The following EYS variants were observed in gnomAD, a reference collection of about 807,000 sequenced individuals.
The protein encoded by EYS is EGF-like photoreceptor maintenance factor.
In EYS, 250 loss-of-function variants were observed where a neutral mutation model predicts 282.1. The observed-to-expected ratio is 0.89, with a 90% CI of 0.80 to 0.98. EYS has a LOEUF of 0.98. Among genes scored for constraint, EYS ranks in the 50% least tolerant of loss-of-function variants. EYS has a pLI of 0.00. For missense variants in EYS, 4,016 were observed against 3,709.0 expected (o/e 1.08, Z -2.15); for synonymous variants, 1,355 against 1,282.9 (o/e 1.06, Z -1.20).
At chr6:64,803,147 AGGAGGCCC>A (rs1274537564) in intron 22 of EYS, among the ~76,000 whole-genome samples, 2 of 152,180 alleles carry the variant, frequency 1.3e-5, no homozygotes, top group African/African-American at 4.8e-5. Flanking sequence ...AACAGCTCTT[AGGAGGCCC>A]GAAGTGGGTA....
chr6:64,676,779 C>G (rs1769703287), intron 22 of EYS, among the ~76,000 whole-genome samples: 1 of 152,140 alleles, frequency 6.6e-6, no homozygotes, highest in African/African-American at 2.4e-5. Context: ...CTTCTTTTCA[C>G]TGTAACCTCT....
At chr6:63,874,095 C>A (rs1289939624) in intron 35 of EYS, among the ~76,000 whole-genome samples, 2 of 152,124 alleles carry the variant, frequency 1.3e-5, no homozygotes, top group Non-Finnish European at 2.9e-5. Context: ...ATGGTATTGC[C>A]TAGGTTTTCT....
chr6:65,066,977 G>C (rs1375579985), intron 12 of EYS, among the ~76,000 whole-genome samples: 1 of 152,080 alleles, frequency 6.6e-6, no homozygotes, highest in Non-Finnish European at 1.5e-5. Context: ...AAAGGTCATG[G>C]TCTTTTACTA....
intron 31 of EYS, among the ~76,000 whole-genome samples, chr6:64,127,654 G>A (rs1345930494): frequency 6.6e-6 from 1 of 152,026 alleles, no homozygotes; most frequent in Non-Finnish European, 1.5e-5. Flanking sequence ...TGAAAATAAT[G>A]TAAGCTATAC....
intron 29 of EYS, among the ~76,000 whole-genome samples, chr6:64,309,142 G>T (rs368336087): frequency 6.6e-5 from 10 of 152,074 alleles, no homozygotes; most frequent in African/African-American, 2.4e-4. Flanking sequence ...GCTCAGCAAT[G>T]GCATAAAAGT....
intron 33 of EYS, among the ~76,000 whole-genome samples, chr6:64,034,690 A>T (rs1770024600): frequency 6.6e-6 from 1 of 152,192 alleles, no homozygotes; most frequent in Non-Finnish European, 1.5e-5. Context: ...GAATCTCTGT[A>T]CTATGCTATG....
intron 2 of EYS, among the ~76,000 whole-genome samples, chr6:65,499,608 A>G (rs569259446): frequency 6.6e-6 from 1 of 152,186 alleles, no homozygotes; most frequent in African/African-American, 2.4e-5. Flanking sequence ...ATTAACAGAT[A>G]CAAAAGTTCT....
Position 64,737,638 on chromosome 6 carries a change from G to C in EYS, c.3443+75740C>G, listed in dbSNP as rs145704794. ...ATGTTTTGCAAGTGAGGTCTGATAGGTCTGATAGGACAATGGAACATGCCA... is the reference window on the plus strand; with the variant it reads ...ATGTTTTGCAAGTGAGGTCTGATAGCTCTGATAGGACAATGGAACATGCCA... On this transcript the variant is annotated intron_variant, in intron 22 of 42. Coordinates refer to ENST00000503581, the MANE Select transcript of EYS (RefSeq NM_001142800.2). 2.2e-3 allele frequency among the ~76,000 whole-genome samples: 334 copies of C among 152,260 alleles called. 1 individual carries two copies. Among genetic ancestry groups the C allele is most frequent in the African/African-American group, 7.7e-3 (318 of 41,542 alleles).
At chr6:63,754,462 G>A (rs535418439) in intron 41 of EYS, among the ~76,000 whole-genome samples, 1 of 152,104 alleles carries the variant, frequency 6.6e-6, no homozygotes, top group East Asian at 1.9e-4. Context: ...CTGTCCTTGT[G>A]ATATTTTCCT....
At chr6:64,786,617 C>T (rs1430952311) in intron 22 of EYS, among the ~76,000 whole-genome samples, 1 of 152,148 alleles carries the variant, frequency 6.6e-6, no homozygotes, top group Non-Finnish European at 1.5e-5. Flanking sequence ...CCGGGGTCCC[C>T]ACTGGGTCAT....
In EYS at chr6:65,403,820, A is replaced by C. The variant is rs745593945; in HGVS notation, c.1057-1215T>G. 1.5e-3 allele frequency among the ~76,000 whole-genome samples: 233 copies of C among 152,208 alleles called. 3 individuals carry two copies. The highest frequency in any genetic ancestry group is 4.9e-4 in the Non-Finnish European group (33 of 67,982). On this transcript the variant is annotated intron_variant, in intron 6 of 42. Coordinates refer to ENST00000503581, the MANE Select transcript of EYS (RefSeq NM_001142800.2). Reference sequence around the variant, plus strand: ...TTCTTATATTAAGATTCTTTTAACTAGTAAAGTTATAACATGTGTTCAATT... The same window carrying C: ...TTCTTATATTAAGATTCTTTTAACTCGTAAAGTTATAACATGTGTTCAATT...
Position 65,639,858 on chromosome 6 carries a change from A to T in EYS, c.-413T>A, listed in dbSNP as rs1251075689. On this transcript the variant is annotated 5_prime_UTR_variant, in exon 2 of 43. Coordinates refer to ENST00000503581, the MANE Select transcript of EYS (RefSeq NM_001142800.2). ...ATATGGAGCAGAGGATCCAGACTTGACTCCCCAGGTGTAAGAGAAGAGTGA... is the reference window on the plus strand; with the variant it reads ...ATATGGAGCAGAGGATCCAGACTTGTCTCCCCAGGTGTAAGAGAAGAGTGA... 6.6e-6 allele frequency: 1 copy of T among 152,038 alleles called. No homozygotes were observed. The highest frequency in any genetic ancestry group is 1.5e-5 in the Non-Finnish European group (1 of 68,010). The allele number at this position is 152,038 out of a possible 1,614,324, so 9.4% of individuals were successfully genotyped here.
intron 5 of EYS, among the ~76,000 whole-genome samples, chr6:65,423,121 A>G (rs1294475243): frequency 1.3e-5 from 2 of 151,868 alleles, no homozygotes; most frequent in Admixed American, 1.3e-4. Context: ...TCACCCACAT[A>G]AAAATTAAAT....
intron 14 of EYS, among the ~76,000 whole-genome samples, chr6:64,988,251 C>A (rs1237973227): frequency 1.3e-5 from 2 of 151,470 alleles, no homozygotes; most frequent in Non-Finnish European, 3.0e-5. Context: ...AGAGATCAGG[C>A]TGAGGTGTTT....
intron 29 of EYS, among the ~76,000 whole-genome samples, chr6:64,321,325 T>C (rs559595076): frequency 2.0e-5 from 3 of 151,956 alleles, no homozygotes; most frequent in Admixed American, 6.6e-5. Flanking sequence ...TACTCAGGCT[T>C]AGTTTATTCA....
At chr6:64,962,707 C>A (rs1390623796) in intron 14 of EYS, among the ~76,000 whole-genome samples, 1 of 152,008 alleles carries the variant, frequency 6.6e-6, no homozygotes, top group Non-Finnish European at 1.5e-5. Flanking sequence ...GTGATCACAC[C>A]ATTGTACTCC....
intron 30 of EYS, among the ~76,000 whole-genome samples, chr6:64,274,483 T>TTTTTG (rs1768044297): frequency 7.5e-6 from 1 of 133,250 alleles, no homozygotes; most frequent in Non-Finnish European, 1.5e-5. Flanking sequence ...GCCTGGCCGT[T>TTTTTG]TTTTTTTTTT....
At chr6:64,314,658 G>A (rs905374932) in intron 29 of EYS, among the ~76,000 whole-genome samples, 4 of 152,244 alleles carry the variant, frequency 2.6e-5, no homozygotes, top group Non-Finnish European at 5.9e-5. Flanking sequence ...AAAGGAAACT[G>A]TACAACTTGC....
At chr6:64,359,378 A>G (rs1771931077) in intron 29 of EYS, among the ~76,000 whole-genome samples, 2 of 151,722 alleles carry the variant, frequency 1.3e-5, no homozygotes, top group Non-Finnish European at 1.5e-5. Context: ...TAGCTTTGAT[A>G]AACTCCCTGT....
Sources: allele counts gnomAD v4.1 joint callset (sites outside exome capture counted in the v4.1 genomes callset), GRCh38; gene constraint gnomAD v4.1.1; transcripts MANE v1.5; gene names NCBI Gene and HGNC (gene_info 2026-07-23, HGNC 2026-07-21).